HDAC9: variants seen among roughly 807,000 people sequenced by gnomAD.
The protein encoded by HDAC9 is MEF-2 interacting transcription repressor (MITR) protein.
A neutral mutation model predicts 139.4 loss-of-function variants in HDAC9; 41 were observed. That is an observed-to-expected ratio of 0.29 (90% CI 0.23 to 0.38). The LOEUF is 0.38. Among genes scored for constraint, HDAC9 ranks in the 10% least tolerant of loss-of-function variants. HDAC9 has a pLI of 1.00. For missense variants in HDAC9, 1,147 were observed against 1,297.0 expected (o/e 0.88, Z 1.78); for synonymous variants, 517 against 476.2 (o/e 1.09, Z -1.12).
intron 2 of HDAC9, among the ~76,000 whole-genome samples, chr7:18,168,268 T>C (rs112802186): frequency 3.3e-5 from 5 of 152,362 alleles, no homozygotes; most frequent in African/African-American, 1.2e-4. Flanking sequence ...GTTTGTTCTT[T>C]ATTGCATTTT....
chr7:18,303,373 A>G (rs1197236722), intron 1 of HDAC9, among the ~76,000 whole-genome samples: 8 of 95,454 alleles, frequency 8.4e-5, no homozygotes, highest in Middle Eastern at 5.1e-3. Flanking sequence ...CGCCCAGCCA[A>G]TTTGTGTGTG....
In HDAC9 at chr7:18,777,875, C is replaced by A. The variant is rs2519747; in HGVS notation, c.2214+10720C>A. 4.7e-3 allele frequency among the ~76,000 whole-genome samples: 717 copies of A among 152,066 alleles called. 4 individuals are homozygous for A. The highest frequency in any genetic ancestry group is 0.017 in the African/African-American group (695 of 41,502). ...CAGAACCAAGAGGGCTGATTCACAGCCTCACAGCAGAGACTAGCCATTCTT... is the reference window on the plus strand; with the variant it reads ...CAGAACCAAGAGGGCTGATTCACAGACTCACAGCAGAGACTAGCCATTCTT... On this transcript the variant is annotated intron_variant, in intron 16 of 25. Transcript: ENST00000686413.
intron 24 of HDAC9, among the ~76,000 whole-genome samples, chr7:18,975,040 C>T (rs1270449762): frequency 6.6e-6 from 1 of 152,152 alleles, no homozygotes; most frequent in Non-Finnish European, 1.5e-5. Flanking sequence ...TGGGGCTACT[C>T]ATCATTTCAC....
intron 21 of HDAC9, among the ~76,000 whole-genome samples, chr7:18,853,883 CATT>C (rs1210721083): frequency 1.4e-4 from 21 of 152,104 alleles, no homozygotes; most frequent in African/African-American, 5.1e-4. Context: ...TGATGACAAA[CATT>C]AGACATAAGA....
intron 2 of HDAC9, among the ~76,000 whole-genome samples, chr7:18,173,434 G>A (rs540035346): frequency 2.8e-4 from 43 of 152,056 alleles, no homozygotes; most frequent in East Asian, 1.5e-3. Flanking sequence ...TTTTAATTGG[G>A]GCATTTAGCC....
At chr7:18,280,317 C>CAGTA (rs1320096191) in intron 2 of HDAC9, among the ~76,000 whole-genome samples, 1 of 151,954 alleles carries the variant, frequency 6.6e-6, no homozygotes, top group African/African-American at 2.4e-5. Flanking sequence ...CAGCTGGGTG[C>CAGTA]AGTAGCTCAT....
intron 2 of HDAC9, among the ~76,000 whole-genome samples, chr7:18,203,837 C>A (rs1791304779): frequency 6.6e-6 from 1 of 152,154 alleles, no homozygotes; most frequent in Admixed American, 6.5e-5. Context: ...GTGATTGTGG[C>A]AGAACAAATT....
rs200336654 is a variant in HDAC9 at position 18,727,729 on chromosome 7, C to T, written c.1881C>T (p.Asp627=). ...AASVLPHPAM[D]RPLQPGSATG... ...CTGTTTTACCTCACCCAGCAATGGA[C>T]CGCCCCCTCCAGCCTGGCTCTGCAA... The change falls in exon 13 of 26, where the codon GAC becomes GAT. Residue 627 remains aspartate (D), a synonymous_variant. Coordinates refer to ENST00000686413, the MANE Select transcript of HDAC9 (RefSeq NM_178425.4). 119 of 1,554,988 alleles carry T rather than the reference C, an allele frequency of 7.7e-5. No homozygotes were observed. The African/African-American group carries it at 1.5e-3, about 20-fold the overall frequency.
At chr7:18,764,671 G>C (rs1467625155) in intron 15 of HDAC9, among the ~76,000 whole-genome samples, 6 of 152,032 alleles carry the variant, frequency 3.9e-5, no homozygotes, top group Admixed American at 2.0e-4. Context: ...GATTGAAGCT[G>C]CCATATGTGA....
At chr7:18,948,951 T>C (rs1432535776) in intron 23 of HDAC9, 2 of 370,968 alleles carry the variant, frequency 5.4e-6, no homozygotes, top group Admixed American at 3.2e-5. Flanking sequence ...TGGTCAGTCA[T>C]TAGGAAGCAG....
At chr7:18,533,533 A>G (rs1294199797) in intron 2 of HDAC9, among the ~76,000 whole-genome samples, 2 of 152,110 alleles carry the variant, frequency 1.3e-5, no homozygotes, top group African/African-American at 4.8e-5. Flanking sequence ...TGTGAGTTCT[A>G]GTCCCAATTT....
At chr7:18,836,195 T>C (rs2129211432) in intron 21 of HDAC9, among the ~76,000 whole-genome samples, 198 bp downstream of exon 21, 1 of 152,264 alleles carries the variant, frequency 6.6e-6, no homozygotes, top group African/African-American at 2.4e-5. Context: ...TGGCCCATTT[T>C]CCCCCTTCCC....
intron 2 of HDAC9, among the ~76,000 whole-genome samples, chr7:18,177,325 A>G (rs1042935081): frequency 5.9e-5 from 9 of 152,324 alleles, no homozygotes; most frequent in South Asian, 2.1e-4. Context: ...TCTGTTGTCT[A>G]TGGTGCGATT....
chr7:18,563,533 T>G (rs1821270956), intron 2 of HDAC9, among the ~76,000 whole-genome samples: 1 of 152,190 alleles, frequency 6.6e-6, no homozygotes, highest in Non-Finnish European at 1.5e-5. Context: ...ACAGGCAGAA[T>G]TAATTTTTCC....
chr7:18,716,280 C>G (rs1262489543), intron 12 of HDAC9, among the ~76,000 whole-genome samples: 2 of 152,118 alleles, frequency 1.3e-5, no homozygotes, highest in Non-Finnish European at 2.9e-5. Context: ...AGTGTGCTCT[C>G]TTGAACATTT....
intron 17 of HDAC9, among the ~76,000 whole-genome samples, chr7:18,807,578 C>G (rs1240671420): frequency 1.3e-5 from 2 of 152,070 alleles, no homozygotes; most frequent in African/African-American, 4.8e-5. Flanking sequence ...TTGCTATAAA[C>G]TTCTTTCCTA....
chr7:18,780,083 T>G (rs2129170271), intron 16 of HDAC9, among the ~76,000 whole-genome samples: 1 of 152,112 alleles, frequency 6.6e-6, no homozygotes, highest in East Asian at 1.9e-4. Flanking sequence ...CGAGCTGAGA[T>G]TCTGCATTTC....
intron 1 of HDAC9, among the ~76,000 whole-genome samples, chr7:18,402,179 C>T (rs1203487468): frequency 2.6e-5 from 4 of 152,180 alleles, no homozygotes; most frequent in Non-Finnish European, 1.5e-5. Flanking sequence ...CCCTGTTCTT[C>T]AGTTCTCAAG....
intron 2 of HDAC9, among the ~76,000 whole-genome samples, chr7:18,277,120 A>G (rs1796780641): frequency 6.6e-6 from 1 of 152,212 alleles, no homozygotes; most frequent in Admixed American, 6.5e-5. Flanking sequence ...AAAAACAGGC[A>G]CAAAGCTAGA....
Sources: allele counts gnomAD v4.1 joint callset (sites outside exome capture counted in the v4.1 genomes callset), GRCh38; gene constraint gnomAD v4.1.1; transcripts MANE v1.5; gene names NCBI Gene and HGNC (gene_info 2026-07-23, HGNC 2026-07-21).